The following LRRC4C variants were observed in gnomAD, a reference collection of about 807,000 sequenced individuals.
LRRC4C encodes leucine rich repeat containing 4C.
In LRRC4C, 5 loss-of-function variants were observed where a neutral mutation model predicts 33.6. That is an observed-to-expected ratio of 0.15 (90% CI 0.08 to 0.31). LRRC4C has a LOEUF of 0.31. Ranked by LOEUF, LRRC4C falls within the 10% of genes least tolerant of loss-of-function variation. The probability of loss-of-function intolerance (pLI) is 1.00; values close to 1 mark genes in which losing one functional copy is unlikely to be tolerated. For synonymous variants in LRRC4C, 329 were observed against 302.0 expected (o/e 1.09, Z -0.93); for missense variants, 560 against 796.7 (o/e 0.70, Z 3.58).
chr11:41,016,195 A>T (rs755015966), intron 1 of LRRC4C, among the ~76,000 whole-genome samples: 63 of 152,164 alleles, frequency 4.1e-4, no homozygotes, highest in Non-Finnish European at 7.9e-4. Flanking sequence ...CATTCTCTTC[A>T]GGACAGTTTC....
chr11:40,691,406 G>A (rs1945216132), intron 2 of LRRC4C, among the ~76,000 whole-genome samples: 1 of 151,998 alleles, frequency 6.6e-6, no homozygotes, highest in Admixed American at 6.6e-5. Flanking sequence ...AGGACCAGGA[G>A]ATGGGAATCA....
intron 1 of LRRC4C, among the ~76,000 whole-genome samples, chr11:41,006,572 T>G (rs544548110): frequency 1.3e-5 from 2 of 152,286 alleles, no homozygotes; most frequent in African/African-American, 4.8e-5. Context: ...TTCTTTATAA[T>G]CTTACATATT....
At position 40,661,924 on chromosome 11, in the gene LRRC4C, T is replaced by C. The variant is rs184998141; in HGVS notation, c.-406-13646A>G. 4.6e-5 allele frequency among the ~76,000 whole-genome samples: 7 copies of C among 152,264 alleles called. No individual in the cohort carries two copies. The East Asian group carries it at 1.4e-3, about 29-fold the overall frequency. ...AACATCCGCAGAGAGAAGTAAAGAA[T>C]GAAATCCATGTTGCAGAGACATTTA... On this transcript the variant is annotated intron_variant, in intron 2 of 6. Coordinates refer to ENST00000528697, the MANE Select transcript of LRRC4C (RefSeq NM_001258419.2).
intron 3 of LRRC4C, among the ~76,000 whole-genome samples, chr11:40,505,939 TA>T (rs1955014636): frequency 1.3e-5 from 2 of 152,090 alleles, no homozygotes; most frequent in African/African-American, 4.8e-5. Flanking sequence ...CATGGAAATG[TA>T]GCCTTAGAAT....
chr11:41,388,884 T>G (rs1389610309), intron 1 of LRRC4C, among the ~76,000 whole-genome samples: 1 of 151,778 alleles, frequency 6.6e-6, no homozygotes, highest in Non-Finnish European at 1.5e-5. Context: ...AGTTGTAATA[T>G]GTAAGGATTA....
At chr11:40,186,264 T>C (rs1371253488) in intron 5 of LRRC4C, among the ~76,000 whole-genome samples, 3 of 152,200 alleles carry the variant, frequency 2.0e-5, no homozygotes, top group Non-Finnish European at 2.9e-5. Context: ...ATCATAATTT[T>C]AGTTAATGCT....
chr11:41,272,022 C>A (rs956183901), intron 1 of LRRC4C, among the ~76,000 whole-genome samples: 3 of 152,042 alleles, frequency 2.0e-5, no homozygotes, highest in Non-Finnish European at 4.4e-5. Flanking sequence ...AAAAAGAAAA[C>A]CCAGATCTAC....
intron 3 of LRRC4C, among the ~76,000 whole-genome samples, chr11:40,450,085 G>A (rs1951816606): frequency 6.6e-6 from 1 of 152,010 alleles, no homozygotes; most frequent in South Asian, 2.1e-4. Flanking sequence ...AACCAATAAT[G>A]TATTGTTATT....
At chr11:40,476,342 C>CTTTTTTTTT (rs71308392) in intron 3 of LRRC4C, among the ~76,000 whole-genome samples, 2 of 81,368 alleles carry the variant, frequency 2.5e-5, no homozygotes, top group Non-Finnish European at 5.0e-5. Flanking sequence ...TTTTTTTCTT[C>CTTTTTTTTT]TTTTTTTTTT....
chr11:40,127,581 T>G (rs957093069), intron 6 of LRRC4C, among the ~76,000 whole-genome samples: 6 of 152,130 alleles, frequency 3.9e-5, no homozygotes, highest in African/African-American at 1.4e-4. Flanking sequence ...ATGAGAATAT[T>G]GTTTTGGAAA....
intron 3 of LRRC4C, among the ~76,000 whole-genome samples, chr11:40,639,524 A>G (rs1160466688): frequency 6.6e-6 from 1 of 152,234 alleles, no homozygotes; most frequent in African/African-American, 2.4e-5. Flanking sequence ...AAGTATATGA[A>G]ATAAACACCC....
At chr11:40,904,100 C>A (rs1369998753) in intron 2 of LRRC4C, among the ~76,000 whole-genome samples, 1 of 152,148 alleles carries the variant, frequency 6.6e-6, no homozygotes, top group Non-Finnish European at 1.5e-5. Flanking sequence ...GGAGTTACTT[C>A]TGAGGGATGA....
chr11:41,438,064 A>AATAAATAAATAAATAAATAAATAC (rs71063917), intron 1 of LRRC4C, among the ~76,000 whole-genome samples: 1 of 148,574 alleles, frequency 6.7e-6, no homozygotes, highest in Non-Finnish European at 1.5e-5. Flanking sequence ...TAAATAAATA[A>AATAAATAAATAAATAAATAAATAC]ATAAATAATA....
At chr11:40,937,490 T>A (rs1957954914) in intron 1 of LRRC4C, among the ~76,000 whole-genome samples, 2 of 151,972 alleles carry the variant, frequency 1.3e-5, no homozygotes, top group African/African-American at 4.8e-5. Flanking sequence ...TAAAAAAAAA[T>A]ACAGAGTAAC....
chr11:40,792,176 T>C (rs903525776), intron 2 of LRRC4C, among the ~76,000 whole-genome samples: 6 of 152,228 alleles, frequency 3.9e-5, no homozygotes, highest in African/African-American at 1.4e-4. Context: ...TAATTTGATA[T>C]TGAAGAAAAT....
At chr11:40,586,316 G>C (rs1180350867) in intron 3 of LRRC4C, among the ~76,000 whole-genome samples, 1 of 150,142 alleles carries the variant, frequency 6.7e-6, no homozygotes, top group African/African-American at 2.5e-5. Flanking sequence ...CTTTTTGATG[G>C]GGTTGTTTGT....
rs181395510 is a variant in LRRC4C at position 40,695,499 on chromosome 11, C to T, written c.-406-47221G>A. 4.6e-5 allele frequency among the ~76,000 whole-genome samples: 7 copies of T among 152,196 alleles called. No individual in the cohort carries two copies. The East Asian group carries it at 1.4e-3, about 29-fold the overall frequency. ...ACAGCTCTATTTTCATTTTCTATTGCTAATGTAACAAATTACCAAAACATA... is the reference window on the plus strand; with the variant it reads ...ACAGCTCTATTTTCATTTTCTATTGTTAATGTAACAAATTACCAAAACATA... On this transcript the variant is annotated intron_variant, in intron 2 of 6. Transcript: ENST00000528697.
Position 41,448,122 on chromosome 11 carries a change from G to GGTTTTTTTTTTTTTTTTTTT in LRRC4C, c.-496+11308_-496+11309insAAAAAAAAAAAAAAAAAAAC, listed in dbSNP as rs1554934483. ...ACAAACGAGGCTGCTGCACACGTCT[G>GGTTTTTTTTTTTTTTTTTTT]TTTTTTTTTTTTTTTTTTTTGGAGC... On this transcript the variant is annotated intron_variant, in intron 1 of 6. Transcript: ENST00000528697. 1.3e-3 allele frequency among the ~76,000 whole-genome samples: 63 copies of GGTTTTTTTTTTTTTTTTTTT among 46,932 alleles called. 5 individuals are homozygous for GGTTTTTTTTTTTTTTTTTTT. The highest frequency in any genetic ancestry group is 2.3e-3 in the Non-Finnish European group (53 of 22,906). The allele number at this position is 46,932 out of a possible 152,430, so 30.8% of individuals were successfully genotyped here.
At chr11:41,228,677 G>C (rs887998671) in intron 1 of LRRC4C, among the ~76,000 whole-genome samples, 1 of 152,096 alleles carries the variant, frequency 6.6e-6, no homozygotes, top group Admixed American at 6.6e-5. Flanking sequence ...TAACAAACTA[G>C]TGTATGATTC....
Sources: gnomAD v4.1 joint callset for allele counts (sites outside exome capture counted in the v4.1 genomes callset) on GRCh38, gnomAD v4.1.1 for gene constraint, MANE v1.5 for transcripts, NCBI Gene and HGNC (gene_info 2026-07-23, HGNC 2026-07-21) for gene names.